The following SRI variants were observed in gnomAD, a reference collection of about 807,000 sequenced individuals.
The protein encoded by SRI is 22 kDa protein.
Under a neutral mutation model 33.3 loss-of-function variants are expected in SRI, and 30 were observed. The observed-to-expected ratio is 0.90, with a 90% CI of 0.67 to 1.22. The LOEUF is 1.22. SRI is among the 50% of genes most tolerant of loss of function. SRI has a pLI of 0.00. For missense variants in SRI, 243 were observed against 250.8 expected (o/e 0.97, Z 0.21); for synonymous variants, 75 against 89.9 (o/e 0.83, Z 0.94).
At chr7:88,210,833 T>C in intron 4 of SRI, 49 bp downstream of exon 4, 3 of 1,552,564 alleles carry the variant, frequency 1.9e-6, no homozygotes, top group Non-Finnish European at 2.7e-6. Context: ...TGAATTCCTT[T>C]AGAATTTTAG....
chr7:88,219,150 A>G lies in SRI; in HGVS notation c.52-208T>C. 9 of 588,584 alleles carry G rather than the reference A, an allele frequency of 1.5e-5. No individual in the cohort carries two copies. In the South Asian group the frequency reaches 1.7e-4, roughly 11 times the overall value. 36.5% of individuals were successfully genotyped at this position (588,584 alleles called of 1,614,324 possible). Reference sequence around the variant, plus strand: ...TTAAAAACTGGCGACTTAGACCATAAAGAGTTGCTGTGAAAGTGATGTCTA... The same window carrying G: ...TTAAAAACTGGCGACTTAGACCATAGAGAGTTGCTGTGAAAGTGATGTCTA... On this transcript the variant is annotated intron_variant, in intron 1 of 7. Transcript: ENST00000265729.
intron 2 of SRI, among the ~76,000 whole-genome samples, chr7:88,217,393 T>G (rs571626347): frequency 6.6e-6 from 1 of 152,190 alleles, no homozygotes; most frequent in Non-Finnish European, 1.5e-5. Context: ...AATTTAATGA[T>G]GAAAGAAAGA....
upstream of SRI, among the ~76,000 whole-genome samples, chr7:88,222,141 A>G (rs1393999112): frequency 7.0e-6 from 1 of 143,018 alleles, no homozygotes. Flanking sequence ...TAATGCCGCA[A>G]TAAACATACG....
At chr7:88,225,690 C>G (rs1269452880) in intron 1 of SRI, among the ~76,000 whole-genome samples, 1 of 152,206 alleles carries the variant, frequency 6.6e-6, no homozygotes, top group Non-Finnish European at 1.5e-5. Context: ...GCTATTCTCT[C>G]AGGACTCTTC....
chr7:88,223,911 TA>T (rs975632752), upstream of SRI, among the ~76,000 whole-genome samples: 6 of 151,842 alleles, frequency 4.0e-5, no homozygotes, highest in African/African-American at 1.5e-4. Flanking sequence ...TACTAAGTCC[TA>T]AAAAAAAGAC....
chr7:88,218,233 A>G (rs1851781827), intron 2 of SRI, among the ~76,000 whole-genome samples: 2 of 152,176 alleles, frequency 1.3e-5, no homozygotes, highest in African/African-American at 2.4e-5. Context: ...AATGTAAGAT[A>G]GCACCTGTCA....
intron 2 of SRI, 72 bp downstream of exon 2, chr7:88,218,787 T>C: frequency 6.8e-7 from 1 of 1,470,630 alleles, no homozygotes. Flanking sequence ...TTCGCTTTTC[T>C]GTGTCACTAT....
At chr7:88,224,197 T>C (rs1252289454), upstream of SRI, among the ~76,000 whole-genome samples, 2 of 152,210 alleles carry the variant, frequency 1.3e-5, no homozygotes, top group East Asian at 3.8e-4. Flanking sequence ...TCAGAGAGAA[T>C]CCCATTCTTT....
At chr7:88,211,100 A>C (rs1851567009) in intron 3 of SRI, among the ~76,000 whole-genome samples, 175 bp from the exon 4 acceptor site, 1 of 152,244 alleles carries the variant, frequency 6.6e-6, no homozygotes, top group Non-Finnish European at 1.5e-5. Flanking sequence ...TCCATAAAGA[A>C]GATTTTTTGC....
Position 88,207,298 on chromosome 7 carries a change from G to T in SRI, c.571-794C>A, listed in dbSNP as rs541406687. ...GGCAGCCTTCTGATCTTTAGAAACA[G>T]CAAGGGGACTGTCAACTAAGAAGTT... On this transcript the variant is annotated intron_variant, in intron 7 of 7. Transcript: ENST00000265729. 1.8e-3 allele frequency among the ~76,000 whole-genome samples: 267 copies of T among 152,298 alleles called. 2 individuals carry two copies. Among genetic ancestry groups the T allele is most frequent in the Middle Eastern group, 3.4e-3 (1 of 294 alleles).
upstream of SRI, among the ~76,000 whole-genome samples, chr7:88,223,331 A>T (rs562990330): frequency 6.6e-6 from 1 of 152,288 alleles, no homozygotes; most frequent in South Asian, 2.1e-4. Context: ...CATTCCTATT[A>T]TACAGTTTTG....
Position 88,217,140 on chromosome 7 carries a change from T to C in SRI, c.187A>G (p.Ile63Val). 3 of 1,613,574 alleles carry C rather than the reference T, an allele frequency of 1.9e-6. No homozygotes were observed. Among genetic ancestry groups the C allele is most frequent in the Non-Finnish European group, 2.5e-6 (3 of 1,180,018 alleles). The change falls in exon 3 of 8, where the codon ATT becomes GTT. Residue 63 changes from isoleucine to valine, a missense_variant. Physicochemically the swap from Ile to Val is conservative, Grantham distance 29. Transcript: ENST00000265729. ...AACTTACGTTTGTATCCTCCAGCAATGCCAGACTGTGTCAGACATCTCTGC... is the reference window on the plus strand; with the variant it reads ...AACTTACGTTTGTATCCTCCAGCAACGCCAGACTGTGTCAGACATCTCTGC... ...ELQRCLTQSG[I>V]AGGYKPFNLE...
Position 88,209,994 on chromosome 7 carries a change from A to C in SRI, c.386T>G (p.Leu129Arg). The change falls in exon 5 of 8, where the codon CTG (leucine) becomes CGG (arginine). Residue 129 changes from leucine (L) to arginine (R), a missense_variant. Leu to Arg is a moderately radical substitution (Grantham distance 102, BLOSUM62 -2). Coordinates refer to ENST00000265729, the MANE Select transcript of SRI (RefSeq NM_003130.4). ...TVDPQELQKALTTMGFRLSPQ... is the reference protein window; with the variant it reads ...TVDPQELQKARTTMGFRLSPQ... ...TAAGCCATACCTACCCATTGTTGTC[A>C]GGGCCTTCTGCAATTCTTGTGGGTC... 1 of 1,614,186 alleles carries C rather than the reference A, an allele frequency of 6.2e-7. No individual in the cohort carries two copies. The highest frequency in any genetic ancestry group is 8.5e-7 in the Non-Finnish European group (1 of 1,180,034).
rs571480222 is a variant in SRI at position 88,211,065 on chromosome 7, T to C, written c.206-140A>G. The C allele has an allele frequency of 5.9e-5, 41 of 696,628 alleles. No individual in the cohort carries two copies. In the East Asian group the frequency reaches 1.1e-3, roughly 19 times the overall value. 43.2% of individuals were successfully genotyped at this position (696,628 alleles called of 1,614,324 possible). On this transcript the variant is annotated intron_variant, in intron 3 of 7. Transcript: ENST00000265729. ...CTATCAATTTACGTGTGACTAATCA[T>C]ATGGAACTTCAAAGTAGCCTTTTCT...
At chr7:88,219,528 T>A in intron 1 of SRI, 1 of 194,908 alleles carries the variant, frequency 5.1e-6, no homozygotes, top group South Asian at 1.1e-4. Context: ...TCCGTCCCCC[T>A]TCTCACTCGT....
rs1162203295 is a variant in SRI, at chr7:88,217,249, C to T, written c.136-58G>A. The T allele has an allele frequency of 2.2e-6, 3 of 1,382,466 alleles. No homozygotes were observed. The African/African-American group carries it at 4.3e-5, about 20-fold the overall frequency. 85.6% of individuals were successfully genotyped at this position (1,382,466 alleles called of 1,614,324 possible). A position where few individuals can be genotyped will look rare whatever the true frequency, so the allele number is the denominator to read the frequency against. ...TGATTTGTACTTTCAAGTTGTTTAC[C>T]TTCAGCATTCAATGAAGCAATAACA... On this transcript the variant is annotated intron_variant, in intron 2 of 7. Coordinates refer to ENST00000265729, the MANE Select transcript of SRI (RefSeq NM_003130.4).
intron 7 of SRI, chr7:88,208,097 GATTT>G (rs201849111): frequency 0.014 from 2,206 of 159,198 alleles, 27 homozygotes; most frequent in Non-Finnish European, 0.019. Flanking sequence ...TGACTGACAT[GATTT>G]GTTTACAGAA....
chr7:88,212,357 G>T (rs1851599991), intron 3 of SRI, among the ~76,000 whole-genome samples: 1 of 152,226 alleles, frequency 6.6e-6, no homozygotes, highest in Middle Eastern at 3.2e-3. Context: ...GTTTGGGAAA[G>T]AGCTGGTAGA....
At chr7:88,218,820 G>C in intron 2 of SRI, 39 bp downstream of exon 2, 3 of 1,592,280 alleles carry the variant, frequency 1.9e-6, no homozygotes, top group East Asian at 2.2e-5. Flanking sequence ...CACAAATGCA[G>C]ACAATAACGG....
Sources: allele counts gnomAD v4.1 joint callset (sites outside exome capture counted in the v4.1 genomes callset), GRCh38; gene constraint gnomAD v4.1.1; transcripts MANE v1.5; gene names NCBI Gene and HGNC (gene_info 2026-07-23, HGNC 2026-07-21).